Variants in FOXP2 observed in about 807,000 individuals in gnomAD.
The protein encoded by FOXP2 is forkhead box P2.
A neutral mutation model predicts 115.8 loss-of-function variants in FOXP2; 12 were observed. The ratio of observed to expected loss-of-function variants is 0.10; its 90% CI spans 0.07 to 0.17. FOXP2 has a LOEUF of 0.17. Among genes scored for constraint, FOXP2 ranks in the 10% least tolerant of loss-of-function variants. FOXP2 has a pLI of 1.00. For synonymous variants in FOXP2, 328 were observed against 297.7 expected, an observed-to-expected ratio of 1.10 and a Z score of -1.05; for missense variants, 629 against 843.5, an observed-to-expected ratio of 0.75 and a Z score of 3.15.
chr7:114,690,133 T>C lies in FOXP2; in HGVS notation c.*207T>C, dbSNP rs776533754. 497 of 448,720 alleles carry C rather than the reference T, an allele frequency of 1.1e-3. No individual in the cohort carries two copies. The highest frequency in any genetic ancestry group is 1.9e-3 in the Non-Finnish European group (446 of 237,600). The allele number at this position is 448,720 out of a possible 1,614,324, so 27.8% of individuals were successfully genotyped here. A position where few individuals can be genotyped will look rare whatever the true frequency, so the allele number is the denominator to read the frequency against. On this transcript the variant is annotated 3_prime_UTR_variant, in exon 17 of 17. Coordinates refer to ENST00000350908, the MANE Select transcript of FOXP2 (RefSeq NM_014491.4). ...TGTTTTCTTCTTCTTCTTCTTCTTT[T>C]TTTTTTTTTTTTTAGAAAAAAAGAC...
intron 1 of FOXP2, among the ~76,000 whole-genome samples, chr7:114,264,019 T>C (rs966471064): frequency 1.3e-5 from 2 of 152,112 alleles, no homozygotes; most frequent in African/African-American, 2.4e-5. Flanking sequence ...TTTAGCTTCC[T>C]TACTCTCACC....
intron 2 of FOXP2, among the ~76,000 whole-genome samples, chr7:114,524,110 A>G (rs6957330): frequency 0.14 from 21,986 of 152,162 alleles, 2,221 homozygotes; most frequent in Non-Finnish European, 0.22. Flanking sequence ...TTAATGCTTT[A>G]TTTATAGATG....
At chr7:114,138,968 C>G (rs1480845732) in intron 1 of FOXP2, among the ~76,000 whole-genome samples, 1 of 151,932 alleles carries the variant, frequency 6.6e-6, no homozygotes, top group Non-Finnish European at 1.5e-5. Flanking sequence ...TAGCATTTTT[C>G]TTGTATCAGT....
At chr7:114,514,853 G>A (rs1798252282) in intron 2 of FOXP2, among the ~76,000 whole-genome samples, 2 of 151,616 alleles carry the variant, frequency 1.3e-5, no homozygotes, top group Admixed American at 6.6e-5. Context: ...ATCTCCTAAA[G>A]CTATCCCTCC....
At chr7:114,506,635 G>A (rs1355801495) in intron 2 of FOXP2, among the ~76,000 whole-genome samples, 1 of 151,390 alleles carries the variant, frequency 6.6e-6, no homozygotes, top group African/African-American at 2.4e-5. Flanking sequence ...ATAATTGCAT[G>A]GAGTCAGATT....
chr7:114,496,901 T>A (rs1797346143), intron 2 of FOXP2, among the ~76,000 whole-genome samples: 1 of 152,176 alleles, frequency 6.6e-6, no homozygotes, highest in South Asian at 2.1e-4. Flanking sequence ...TAATATCCAG[T>A]CCAGCTCAGT....
intron 1 of FOXP2, among the ~76,000 whole-genome samples, chr7:114,239,571 G>A (rs1190698653): frequency 3.9e-5 from 6 of 152,132 alleles, no homozygotes; most frequent in African/African-American, 1.2e-4. Flanking sequence ...AAGACAGTTG[G>A]TTTTAGCTCT....
At chr7:114,113,034 G>T (rs1320368507) in intron 1 of FOXP2, among the ~76,000 whole-genome samples, 1 of 152,168 alleles carries the variant, frequency 6.6e-6, no homozygotes, top group East Asian at 1.9e-4. Flanking sequence ...CTTCATCAGA[G>T]ATTGAACCAT....
chr7:114,247,141 T>C (rs1795304880), intron 1 of FOXP2, among the ~76,000 whole-genome samples: 1 of 152,214 alleles, frequency 6.6e-6, no homozygotes, highest in South Asian at 2.1e-4. Flanking sequence ...CTACAGCTTT[T>C]CTCAAACAGG....
At chr7:114,438,892 AG>A (rs778077092) in intron 2 of FOXP2, among the ~76,000 whole-genome samples, 1 of 152,194 alleles carries the variant, frequency 6.6e-6, no homozygotes, top group Non-Finnish European at 1.5e-5. Context: ...CCAGAGTATT[AG>A]AGTGACAAAT....
chr7:114,494,543 T>G (rs1584806462), intron 2 of FOXP2, among the ~76,000 whole-genome samples: 2 of 152,130 alleles, frequency 1.3e-5, no homozygotes, highest in Non-Finnish European at 2.9e-5. Context: ...GGAATAAACA[T>G]TGAAAACTAA....
At chr7:114,603,181 A>G (rs962383607) in intron 3 of FOXP2, among the ~76,000 whole-genome samples, 8 of 152,198 alleles carry the variant, frequency 5.3e-5, no homozygotes, top group Non-Finnish European at 1.2e-4. Context: ...AGGTCATCAA[A>G]GTTGAGGCTC....
At chr7:114,503,222 G>A (rs78379682) in intron 2 of FOXP2, among the ~76,000 whole-genome samples, 1,650 of 151,432 alleles carry the variant, frequency 0.011, 21 homozygotes, top group Admixed American at 0.019. Flanking sequence ...TCATTTTTTT[G>A]GTTCAAGTGA....
intron 2 of FOXP2, among the ~76,000 whole-genome samples, chr7:114,532,938 T>C (rs574119583): frequency 6.6e-6 from 1 of 152,080 alleles, no homozygotes; most frequent in Non-Finnish European, 1.5e-5. Flanking sequence ...AGATATATTA[T>C]TTAGAATATT....
chr7:114,086,520 G>C (rs777052298), upstream of FOXP2: 3 of 385,740 alleles, frequency 7.8e-6, no homozygotes, highest in Admixed American at 9.2e-5. Context: ...GCAGCTGCCC[G>C]GACTCGCGCG....
chr7:114,328,528 G>A (rs554761062), intron 2 of FOXP2, among the ~76,000 whole-genome samples: 2 of 151,982 alleles, frequency 1.3e-5, no homozygotes, highest in African/African-American at 2.4e-5. Context: ...GAGCCACCGC[G>A]CCCAGCCTCA....
rs185341728 is a variant in FOXP2, at chr7:114,287,095, C to A, written c.-101-924C>A. Among the ~76,000 whole-genome samples, 97 of 152,060 alleles carry A rather than the reference C, an allele frequency of 6.4e-4. 1 individual carries two copies. The Middle Eastern group carries it at 0.024, about 37-fold the overall frequency. ...CTCCATACAGCTCTCCATTTAGTCA[C>A]TACCGATCAATCAGAGTGTTATGTG... On this transcript the variant is annotated intron_variant, in intron 1 of 17. Coordinates refer to the FOXP2 transcript ENST00000634411.
At chr7:114,482,146 CTTG>C (rs1796585983) in intron 2 of FOXP2, among the ~76,000 whole-genome samples, 1 of 151,314 alleles carries the variant, frequency 6.6e-6, no homozygotes, top group Non-Finnish European at 1.5e-5. Flanking sequence ...GTATTTCCTA[CTTG>C]TTGTGCTACT....
chr7:114,175,248 C>T (rs75367170), intron 1 of FOXP2, among the ~76,000 whole-genome samples: 3,223 of 152,078 alleles, frequency 0.021, 60 homozygotes, highest in Middle Eastern at 0.055. Flanking sequence ...TCTACTTACT[C>T]GTTAAGTCCA....
Sources: gnomAD v4.1 joint callset for allele counts (sites outside exome capture counted in the v4.1 genomes callset) on GRCh38, gnomAD v4.1.1 for gene constraint, MANE v1.5 for transcripts, NCBI Gene and HGNC (gene_info 2026-07-23, HGNC 2026-07-21) for gene names.